DNAH8: variants seen among roughly 807,000 people sequenced by gnomAD.
DNAH8 encodes dynein axonemal heavy chain 8, also known as axonemal beta dynein heavy chain 8.
In DNAH8, 382 loss-of-function variants were observed where a neutral mutation model predicts 562.1. That is an observed-to-expected ratio of 0.68 (90% CI 0.63 to 0.74). The LOEUF is 0.74. DNAH8 is among the 30% of genes least tolerant of loss of function. DNAH8 has a pLI of 0.00. For missense variants in DNAH8, 5,203 were observed against 5,620.4 expected (o/e 0.93, Z 2.37); for synonymous variants, 1,881 against 1,919.4 (o/e 0.98, Z 0.52).
chr6:38,845,125 A>G (rs574226743), intron 35 of DNAH8, among the ~76,000 whole-genome samples: 17 of 152,354 alleles, frequency 1.1e-4, no homozygotes, highest in South Asian at 8.3e-4. Flanking sequence ...CTGATGCTTA[A>G]GCAAATGAGA....
chr6:38,752,461 A>G (rs1265194323), intron 9 of DNAH8, among the ~76,000 whole-genome samples: 1 of 152,326 alleles, frequency 6.6e-6, no homozygotes, highest in African/African-American at 2.4e-5. Flanking sequence ...ATCGGGCCCA[A>G]CACTTTCAAA....
At chr6:38,818,051 G>C (rs1462574916) in intron 26 of DNAH8, among the ~76,000 whole-genome samples, 1 of 152,020 alleles carries the variant, frequency 6.6e-6, no homozygotes, top group African/African-American at 2.4e-5. Flanking sequence ...ATACTTTCGG[G>C]ATTTAGATTT....
At chr6:39,021,640 C>T (rs2150790570) in intron 91 of DNAH8, among the ~76,000 whole-genome samples, 1 of 152,302 alleles carries the variant, frequency 6.6e-6, no homozygotes, top group African/African-American at 2.4e-5. Context: ...ACATTTGCTT[C>T]TCATTTGGGG....
At chr6:38,948,314 C>G (rs1387578319) in intron 80 of DNAH8, among the ~76,000 whole-genome samples, 1 of 151,930 alleles carries the variant, frequency 6.6e-6, no homozygotes, top group Non-Finnish European at 1.5e-5. Flanking sequence ...CTTACTGTGG[C>G]TTTTTTATTT....
chr6:38,894,759 C>T lies in DNAH8; in HGVS notation c.8642C>T (p.Ser2881Phe), dbSNP rs1779564347. The change falls in exon 59 of 93, where the codon TCC becomes TTC. Residue 2881 changes from serine (S) to phenylalanine (F), a missense_variant. Ser to Phe is a radical substitution (Grantham distance 155, BLOSUM62 -2). Around this residue, in one of 6 missense-constraint regions of DNAH8, gnomAD observed 977 missense variants for 1,061.8 expected, o/e 0.92. Coordinates refer to ENST00000327475, the MANE Select transcript of DNAH8 (RefSeq NM_001206927.2). ...FHYIFNLRDL[S>F]RIWQGMLTIK... ...TACATCTTCAATCTTCGAGATCTTTCCAGAATTTGGCAAGGAATGTTGACC... is the reference window on the plus strand; with the variant it reads ...TACATCTTCAATCTTCGAGATCTTTTCAGAATTTGGCAAGGAATGTTGACC... The T allele has an allele frequency of 6.2e-7, 1 of 1,613,830 alleles. No homozygotes were observed. Among genetic ancestry groups the T allele is most frequent in the African/African-American group, 1.3e-5 (1 of 74,888 alleles).
intron 22 of DNAH8, among the ~76,000 whole-genome samples, chr6:38,804,121 T>C (rs1771037107): frequency 6.6e-6 from 1 of 152,234 alleles, no homozygotes; most frequent in Non-Finnish European, 1.5e-5. Context: ...CCTATTGAAT[T>C]TCCTGTTATC....
At chr6:38,996,811 G>T (rs912966257) in intron 88 of DNAH8, among the ~76,000 whole-genome samples, 2 of 152,170 alleles carry the variant, frequency 1.3e-5, no homozygotes, top group African/African-American at 4.8e-5. Context: ...TCTGTGTTTT[G>T]TCAAGTCTCT....
Position 38,913,908 on chromosome 6 carries a change from G to A in DNAH8, c.9919G>A (p.Val3307Ile). 2 of 1,613,426 alleles carry A rather than the reference G, an allele frequency of 1.2e-6. No individual in the cohort carries two copies. The stretch of plus-strand genomic sequence containing the variant: ...TGCTAAACTCTCTCAGGATCTTGCA[G>A]TCAAGGAGAAGGAGTTGGCAGTGGC... ...SVAKLSQDLA[V>I]KEKELAVASI... Residue 3307 changes from valine (V) to isoleucine (I), a missense_variant, in exon 67 of 93, where the codon GTC becomes ATC. This residue lies in a region of DNAH8 where 977 missense variants were observed against 1,061.8 expected (regional missense o/e 0.92). Coordinates refer to ENST00000327475, the MANE Select transcript of DNAH8 (RefSeq NM_001206927.2).
At chr6:39,005,234 A>C (rs1765727871) in intron 88 of DNAH8, among the ~76,000 whole-genome samples, 1 of 152,124 alleles carries the variant, frequency 6.6e-6, no homozygotes. Context: ...CAAAATGGTG[A>C]AACCCCCTCT....
chr6:38,826,317 A>G lies in DNAH8; in HGVS notation c.4009A>G (p.Arg1337Gly), dbSNP rs1043869660. ...ACCTATTCGTGATTTAGATGATGTC[A>G]GATTTGCAATGGAAGCCTTGTCTTG... ...SRPIRDLDDV[R>G]FAMEALSCIR... Residue 1337 changes from arginine (R) to glycine (G), a missense_variant, in exon 29 of 93, where the codon AGA becomes GGA. Physicochemically the swap from Arg to Gly is moderately radical, Grantham distance 125 (BLOSUM62 -2). Transcript: ENST00000327475. The G allele has an allele frequency of 2.5e-6, 4 of 1,613,656 alleles. No homozygotes were observed. The highest frequency in any genetic ancestry group is 1.3e-5 in the African/African-American group (1 of 74,928).
intron 53 of DNAH8, among the ~76,000 whole-genome samples, chr6:38,876,742 A>G (rs1176997314): frequency 6.6e-6 from 1 of 152,188 alleles, no homozygotes; most frequent in Non-Finnish European, 1.5e-5. Flanking sequence ...CTGCTGCCAG[A>G]CAATCGGCCT....
chr6:38,960,372 A>G (rs1260816505), intron 82 of DNAH8, among the ~76,000 whole-genome samples: 1 of 151,952 alleles, frequency 6.6e-6, no homozygotes, highest in African/African-American at 2.4e-5. Context: ...TGCATCTGAC[A>G]AGGTGTTAAT....
chr6:38,931,990 A>G lies in DNAH8; in HGVS notation c.11454A>G (p.Lys3818=). ...QLLRRVILTE[K]QELEAERVKL... ...TAAGGAGAGTCATTCTAACAGAGAA[A>G]CAGGTAATCTCTCTCTCAAGGTAAA... The change falls in exon 76 of 93, where the codon AAA becomes AAG. Residue 3818 remains lysine (K), a synonymous_variant. Transcript: ENST00000327475. 6.4e-7 allele frequency: 1 copy of G among 1,569,442 alleles called. No homozygotes were observed. The highest frequency in any genetic ancestry group is 8.6e-7 in the Non-Finnish European group (1 of 1,159,086).
At chr6:38,885,486 C>A (rs1778850165) in intron 56 of DNAH8, among the ~76,000 whole-genome samples, 1 of 152,104 alleles carries the variant, frequency 6.6e-6, no homozygotes, top group African/African-American at 2.4e-5. Flanking sequence ...CAAATGAAAA[C>A]AAGAGTTAGA....
intron 28 of DNAH8, among the ~76,000 whole-genome samples, chr6:38,825,108 G>C (rs566674922): frequency 9.9e-5 from 15 of 152,266 alleles, no homozygotes; most frequent in Non-Finnish European, 1.8e-4. Context: ...AAGAGGTGAT[G>C]GTAGTTATAA....
intron 92 of DNAH8, among the ~76,000 whole-genome samples, chr6:39,029,653 G>A (rs996455371): frequency 6.6e-6 from 1 of 152,124 alleles, no homozygotes; most frequent in Admixed American, 6.5e-5. Flanking sequence ...GCCTGGCTGT[G>A]GAAACCTCAC....
chr6:39,025,803 T>A (rs1341454205), intron 91 of DNAH8, among the ~76,000 whole-genome samples: 1 of 152,218 alleles, frequency 6.6e-6, no homozygotes, highest in Non-Finnish European at 1.5e-5. Flanking sequence ...AAATAAAATA[T>A]GTAGATCATA....
At chr6:38,818,448 G>A (rs1678701) in intron 26 of DNAH8, among the ~76,000 whole-genome samples, 74,276 of 150,376 alleles carry the variant, frequency 0.49, 19,260 homozygotes, top group East Asian at 0.69. Flanking sequence ...CAGACATGCA[G>A]TGTCTTTTAA....
At chr6:38,981,411 G>A (rs1764027579) in intron 85 of DNAH8, among the ~76,000 whole-genome samples, 1 of 152,100 alleles carries the variant, frequency 6.6e-6, no homozygotes, top group Non-Finnish European at 1.5e-5. Flanking sequence ...AGTCCAGTTT[G>A]ATTATTTATT....
Sources: gnomAD v4.1 joint callset for allele counts (sites outside exome capture counted in the v4.1 genomes callset) on GRCh38, gnomAD v4.1.1 for gene constraint, gnomAD v4.1.1 regional missense constraint, MANE v1.5 for transcripts, NCBI Gene and HGNC (gene_info 2026-07-23, HGNC 2026-07-21) for gene names.